Variants in STX2 observed in about 807,000 individuals in gnomAD.
STX2 encodes syntaxin 2.
A neutral mutation model predicts 40.6 loss-of-function variants in STX2; 27 were observed. The observed-to-expected ratio is 0.66, with a 90% CI of 0.49 to 0.92. The LOEUF is 0.92. STX2 is among the 40% of genes least tolerant of loss of function. STX2 has a pLI of 0.00. For missense variants in STX2, 328 were observed against 366.1 expected (o/e 0.90, Z 0.85); for synonymous variants, 123 against 119.1 (o/e 1.03, Z -0.22).
intron 10 of STX2, among the ~76,000 whole-genome samples, chr12:130,794,628 C>T (rs1950974589): frequency 6.6e-6 from 1 of 152,174 alleles, no homozygotes; most frequent in Non-Finnish European, 1.5e-5. Context: ...TCTGGCGTAG[C>T]TGGGACTATA....
intron 4 of STX2, among the ~76,000 whole-genome samples, chr12:130,810,106 TA>T (rs1951592033): frequency 1.3e-5 from 2 of 152,202 alleles, no homozygotes; most frequent in African/African-American, 4.8e-5. Flanking sequence ...ACACAAAAAA[TA>T]AAAAATAAAC....
At chr12:130,820,660 C>T (rs1357812692) in intron 3 of STX2, among the ~76,000 whole-genome samples, 1 of 151,530 alleles carries the variant, frequency 6.6e-6, no homozygotes, top group Non-Finnish European at 1.5e-5. Flanking sequence ...AGTGAGACTC[C>T]GTCTCAAAAT....
At position 130,801,415 on chromosome 12, in the gene STX2, G is replaced by T; in HGVS notation, c.537C>A (p.Asp179Glu). 6.2e-7 allele frequency: 1 copy of T among 1,609,120 alleles called. No individual in the cohort carries two copies. The highest frequency in any genetic ancestry group is 8.5e-7 in the Non-Finnish European group (1 of 1,177,316). The part of the protein sequence containing the change: ...ESGKPSIFTS[D>E]IISDSQITRQ... ...GCCACAGGGCCGCACCCCCACTCAC[G>T]TCGGAAGTGAAGATGGATGGCTTCC... The change falls in exon 7 of 11, where the codon GAC becomes GAA. Residue 179 changes from aspartate to glutamate, a missense_variant and splice_region_variant. By Grantham distance (45) the Asp-to-Glu change is conservative. Transcript: ENST00000392373.
At chr12:130,803,793 T>A (rs1490311467) in intron 6 of STX2, among the ~76,000 whole-genome samples, 1 of 152,086 alleles carries the variant, frequency 6.6e-6, no homozygotes, top group Non-Finnish European at 1.5e-5. Flanking sequence ...TGAAATGCAG[T>A]ATACATTCGT....
chr12:130,812,542 A>G (rs1951701520), intron 4 of STX2: 1 of 287,046 alleles, frequency 3.5e-6, no homozygotes, highest in Non-Finnish European at 6.8e-6. Context: ...TACCAAATCG[A>G]GAAAAAGCAA....
At chr12:130,819,737 A>C (rs1033960039) in intron 3 of STX2, among the ~76,000 whole-genome samples, 19 of 152,260 alleles carry the variant, frequency 1.2e-4, no homozygotes, top group Admixed American at 2.6e-4. Flanking sequence ...TGTGTGAAAC[A>C]CTAAACAAAG....
intron 5 of STX2, among the ~76,000 whole-genome samples, chr12:130,807,332 T>G (rs1177579907): frequency 1.3e-5 from 2 of 152,234 alleles, no homozygotes; most frequent in Admixed American, 1.3e-4. Flanking sequence ...AACCATGACT[T>G]TGAGGTCATT....
chr12:130,799,168 C>T (rs1175482796), intron 8 of STX2, among the ~76,000 whole-genome samples: 1 of 152,192 alleles, frequency 6.6e-6, no homozygotes, highest in African/African-American at 2.4e-5. Flanking sequence ...AACGTATTAC[C>T]TGGTTGTCTG....
chr12:130,794,709 T>C (rs758410403), intron 10 of STX2, among the ~76,000 whole-genome samples: 14 of 152,104 alleles, frequency 9.2e-5, no homozygotes, highest in Non-Finnish European at 1.8e-4. Context: ...TGTTGCCATG[T>C]TGAAGGAATA....
intron 1 of STX2, among the ~76,000 whole-genome samples, chr12:130,836,789 T>G (rs1370183037): frequency 6.6e-6 from 1 of 152,188 alleles, no homozygotes; most frequent in African/African-American, 2.4e-5. Flanking sequence ...TAAAAATTAT[T>G]TGCCCAAGAT....
intron 1 of STX2, among the ~76,000 whole-genome samples, chr12:130,830,347 C>T (rs1035614041): frequency 2.0e-5 from 3 of 152,156 alleles, no homozygotes; most frequent in African/African-American, 7.2e-5. Context: ...CCCACAGTGG[C>T]GTGGCGTAAA....
rs1315135971 is a variant in STX2 at position 130,839,205 on chromosome 12, C to G, written c.-106G>C. 4.9e-6 allele frequency: 5 copies of G among 1,010,566 alleles called. No individual in the cohort carries two copies. Among genetic ancestry groups the G allele is most frequent in the Admixed American group, 5.4e-5 (1 of 18,656 alleles). 62.6% of individuals were successfully genotyped at this position (1,010,566 alleles called of 1,614,324 possible). A position where few individuals can be genotyped will look rare whatever the true frequency, so the allele number is the denominator to read the frequency against. ...CGCCTCAGGCCCCGCGGTCCCGGCC[C>G]GGCGCCAGCAGCCCTCCCTGGAGCC... is the stretch of plus-strand genomic sequence containing the variant. On this transcript the variant is annotated 5_prime_UTR_variant, in exon 1 of 11. Coordinates refer to ENST00000392373, the MANE Select transcript of STX2 (RefSeq NM_194356.4).
intron 3 of STX2, among the ~76,000 whole-genome samples, chr12:130,820,814 C>T (rs1418811942): frequency 2.6e-5 from 4 of 152,194 alleles, no homozygotes; most frequent in Admixed American, 1.3e-4. Flanking sequence ...GCATTAAAGG[C>T]GGCCTGTGTC....
intron 1 of STX2, among the ~76,000 whole-genome samples, chr12:130,833,359 T>G (rs1392778270): frequency 6.6e-6 from 1 of 151,114 alleles, no homozygotes; most frequent in Non-Finnish European, 1.5e-5. Flanking sequence ...CCATCCCTCA[T>G]GAGGGCTGAT....
chr12:130,816,075 A>G (rs1951847397), intron 3 of STX2, among the ~76,000 whole-genome samples: 1 of 152,118 alleles, frequency 6.6e-6, no homozygotes, highest in Non-Finnish European at 1.5e-5. Context: ...GCTGATGCAA[A>G]CACCCCCAAG....
At chr12:130,796,890 C>T (rs958252627) in intron 9 of STX2, among the ~76,000 whole-genome samples, 1 of 152,144 alleles carries the variant, frequency 6.6e-6, no homozygotes, top group Non-Finnish European at 1.5e-5. Context: ...CTTCTACAAA[C>T]GTTGCCTGGC....
At position 130,794,338 on chromosome 12, in the gene STX2, A is replaced by G. The variant is rs1317283658; in HGVS notation, c.*45+1657T>C. ...AAAAATAGACGGTAAGAGAGTTCTG[A>G]CTGCCAAATAATGGAATGTTAACAC... On this transcript the variant is annotated intron_variant, in intron 10 of 10. Coordinates refer to ENST00000392373, the MANE Select transcript of STX2 (RefSeq NM_194356.4). Among the ~76,000 whole-genome samples, 3 of 152,256 alleles carry G rather than the reference A, an allele frequency of 2.0e-5. No individual in the cohort carries two copies. In the East Asian group the frequency reaches 5.8e-4, roughly 29 times the overall value.
chr12:130,815,100 G>T (rs1172014749), intron 3 of STX2, among the ~76,000 whole-genome samples: 3 of 152,042 alleles, frequency 2.0e-5, no homozygotes, highest in Admixed American at 6.6e-5. Flanking sequence ...AAAAAACAAA[G>T]AAAAATTATT....
intron 1 of STX2, among the ~76,000 whole-genome samples, chr12:130,838,711 T>C (rs1202613252): frequency 6.6e-6 from 1 of 152,114 alleles, no homozygotes; most frequent in Non-Finnish European, 1.5e-5. Context: ...AAGCGCCAGA[T>C]ACAATCCGCC....
Sources: gnomAD v4.1 joint callset for allele counts (sites outside exome capture counted in the v4.1 genomes callset) on GRCh38, gnomAD v4.1.1 for gene constraint, MANE v1.5 for transcripts, NCBI Gene and HGNC (gene_info 2026-07-23, HGNC 2026-07-21) for gene names.